The following RAP1A variants were observed in gnomAD, a reference collection of about 807,000 sequenced individuals.
RAP1A encodes the protein RAP1A, member of RAS oncogene family, also known as ras-related protein Rap-1A.
In RAP1A, 6 loss-of-function variants were observed where a neutral mutation model predicts 26.4. The observed-to-expected ratio is 0.23, with a 90% CI of 0.12 to 0.45. RAP1A has a LOEUF of 0.45. Among genes scored for constraint, RAP1A ranks in the 20% least tolerant of loss-of-function variants. The pLI, the probability that RAP1A is intolerant of heterozygous loss-of-function variation, is 0.99. For missense variants in RAP1A, 121 were observed against 217.2 expected (o/e 0.56, Z 2.78); for synonymous variants, 73 against 79.4 (o/e 0.92, Z 0.43).
At chr1:111,623,212 G>A (rs114968671) in intron 1 of RAP1A, among the ~76,000 whole-genome samples, 8,067 of 150,966 alleles carry the variant, frequency 0.053, 254 homozygotes, top group South Asian at 0.087. Flanking sequence ...CGTTAGTAGA[G>A]ACGAGGTTTC....
intron 1 of RAP1A, among the ~76,000 whole-genome samples, chr1:111,678,353 T>G (rs1340891361): frequency 6.6e-6 from 1 of 152,260 alleles, no homozygotes; most frequent in Non-Finnish European, 1.5e-5. Context: ...CTAAGTAGTT[T>G]CTTACTGGAT....
chr1:111,582,426 C>A (rs558083000), intron 1 of RAP1A, among the ~76,000 whole-genome samples: 35 of 152,174 alleles, frequency 2.3e-4, no homozygotes, highest in African/African-American at 8.2e-4. Context: ...TTCTTTTGCC[C>A]AGTACTATAT....
chr1:111,688,265 C>CTGTGTGTG (rs60277735), intron 1 of RAP1A, among the ~76,000 whole-genome samples: 1 of 135,414 alleles, frequency 7.4e-6, no homozygotes, highest in African/African-American at 2.8e-5. Flanking sequence ...CACAAGAAGT[C>CTGTGTGTG]TGTGTGTGTG....
intron 1 of RAP1A, among the ~76,000 whole-genome samples, chr1:111,623,688 G>T (rs1421291111): frequency 1.3e-5 from 2 of 152,176 alleles, no homozygotes; most frequent in African/African-American, 4.8e-5. Flanking sequence ...GACTCCTGCG[G>T]CTGAGACTAT....
In RAP1A at chr1:111,587,265, C is replaced by T. The variant is rs148302358; in HGVS notation, c.-28+44756C>T. ...GTCATTCTTCTCAACAGCTCTCTCA[C>T]GCATTCTCTTTTTTTCCTTAAACCC... On this transcript the variant is annotated intron_variant, in intron 1 of 7. Transcript: ENST00000356415. 1.8e-4 allele frequency among the ~76,000 whole-genome samples: 28 copies of T among 152,270 alleles called. 1 individual carries two copies. The highest frequency in any genetic ancestry group is 2.9e-4 in the Non-Finnish European group (20 of 68,026).
chr1:111,656,542 T>C (rs561460216), intron 1 of RAP1A, among the ~76,000 whole-genome samples: 2 of 152,192 alleles, frequency 1.3e-5, no homozygotes, highest in African/African-American at 2.4e-5. Flanking sequence ...CTGAACCCAG[T>C]TGTGCTTTTG....
intron 1 of RAP1A, among the ~76,000 whole-genome samples, chr1:111,687,471 G>T (rs1208591591): frequency 3.3e-5 from 5 of 152,116 alleles, no homozygotes; most frequent in African/African-American, 9.7e-5. Flanking sequence ...GCCTCACAAA[G>T]TGCTGGGATT....
rs1659122620 is a variant in RAP1A at position 111,619,855 on chromosome 1, A to C, written c.-107A>C. The C allele has an allele frequency of 2.6e-6, 1 of 388,638 alleles. No homozygotes were observed. The highest frequency in any genetic ancestry group is 4.5e-6 in the Non-Finnish European group (1 of 221,260). The allele number at this position is 388,638 out of a possible 1,614,324, so 24.1% of individuals were successfully genotyped here. On this transcript the variant is annotated 5_prime_UTR_variant, in exon 1 of 8. Transcript: ENST00000369709. The stretch of plus-strand genomic sequence containing the variant: ...TGTCGCCGCGCAGAGCCGGAGCAGG[A>C]GCCACGGCCGAGAGGAGGGAGGAGG...
At chr1:111,589,825 C>T (rs986418763) in intron 1 of RAP1A, among the ~76,000 whole-genome samples, 5 of 152,096 alleles carry the variant, frequency 3.3e-5, no homozygotes, top group African/African-American at 1.2e-4. Flanking sequence ...ACTAGAAGTT[C>T]ACTTGAACTA....
chr1:111,669,690 TA>T (rs1341556369), intron 1 of RAP1A, among the ~76,000 whole-genome samples: 4 of 152,236 alleles, frequency 2.6e-5, no homozygotes, highest in African/African-American at 9.6e-5. Flanking sequence ...TGAAAAGGTC[TA>T]ATAGTTGTCT....
rs1266021566 is a variant in RAP1A, at chr1:111,716,508, G to T, written c.*4107G>T. On this transcript the variant is annotated 3_prime_UTR_variant, in exon 8 of 8. Coordinates refer to ENST00000369709, the MANE Select transcript of RAP1A (RefSeq NM_002884.4). ...AAGGCAACGTGGATTCTGTTTTGTA[G>T]ACATTAATGAGCTTTAAATGGGAAT... 6.6e-6 allele frequency: 1 copy of T among 152,204 alleles called. No individual in the cohort carries two copies. Among genetic ancestry groups the T allele is most frequent in the Non-Finnish European group, 1.5e-5 (1 of 68,044 alleles). The allele number at this position is 152,204 out of a possible 1,614,324, so 9.4% of individuals were successfully genotyped here. A position where few individuals can be genotyped will look rare whatever the true frequency, so the allele number is the denominator to read the frequency against.
At chr1:111,607,739 G>C (rs1430109735) in intron 1 of RAP1A, among the ~76,000 whole-genome samples, 1 of 138,792 alleles carries the variant, frequency 7.2e-6, no homozygotes, top group Non-Finnish European at 1.6e-5. Flanking sequence ...CGGGCAGAGG[G>C]GCTCCTCACT....
chr1:111,590,297 G>A (rs1482252527), intron 1 of RAP1A, among the ~76,000 whole-genome samples: 1 of 152,082 alleles, frequency 6.6e-6, no homozygotes, highest in Admixed American at 6.5e-5. Flanking sequence ...AGGACCCCCA[G>A]TACTAAATTT....
At chr1:111,552,332 T>C (rs765496635) in intron 1 of RAP1A, among the ~76,000 whole-genome samples, 1 of 152,186 alleles carries the variant, frequency 6.6e-6, no homozygotes, top group Non-Finnish European at 1.5e-5. Flanking sequence ...GAGCTAGAGA[T>C]GGAACGAAGG....
intron 1 of RAP1A, chr1:111,602,389 A>G (rs550273481): frequency 6.6e-6 from 1 of 152,374 alleles, no homozygotes; most frequent in South Asian, 2.1e-4. Context: ...ATATCTACAT[A>G]GTAGGGGCTT....
chr1:111,583,798 T>C (rs778113530), intron 1 of RAP1A, among the ~76,000 whole-genome samples: 8 of 150,926 alleles, frequency 5.3e-5, no homozygotes, highest in Non-Finnish European at 1.0e-4. Context: ...ACAAGAGTAA[T>C]AGTAACACTA....
chr1:111,553,311 A>C (rs927963306), intron 1 of RAP1A, among the ~76,000 whole-genome samples: 2 of 152,228 alleles, frequency 1.3e-5, no homozygotes, highest in Non-Finnish European at 2.9e-5. Flanking sequence ...CTCTGGCAAA[A>C]ACTCATGACA....
At chr1:111,681,239 C>T (rs1400564977) in intron 1 of RAP1A, among the ~76,000 whole-genome samples, 1 of 152,136 alleles carries the variant, frequency 6.6e-6, no homozygotes, top group Non-Finnish European at 1.5e-5. Flanking sequence ...CAGAGTGAAA[C>T]TCCGTCTCAG....
At chr1:111,542,262 C>T in exon 1 of RAP1A, 1 of 607,020 alleles carries the variant, frequency 1.6e-6, no homozygotes, top group South Asian at 1.4e-5. Flanking sequence ...ATATTGAGGC[C>T]GTATTTCAGG....
Sources: gnomAD v4.1 joint callset for allele counts (sites outside exome capture counted in the v4.1 genomes callset) on GRCh38, gnomAD v4.1.1 for gene constraint, MANE v1.5 for transcripts, NCBI Gene and HGNC (gene_info 2026-07-23, HGNC 2026-07-21) for gene names.